The following POC1B variants were observed in gnomAD, a reference collection of about 807,000 sequenced individuals.
The protein encoded by POC1B is POC1 centriolar protein B.
Under a neutral mutation model 60.6 loss-of-function variants are expected in POC1B, and 44 were observed. The observed-to-expected ratio is 0.73, with a 90% confidence interval of 0.57 to 0.93. The LOEUF (loss-of-function observed/expected upper bound fraction) is 0.93, where lower values mean the gene tolerates loss of function less well. Ranked by LOEUF, POC1B falls within the 40% of genes least tolerant of loss-of-function variation. The pLI, the probability that POC1B is intolerant of heterozygous loss-of-function variation, is 0.00. For missense variants in POC1B, 555 were observed against 572.3 expected (o/e 0.97, Z 0.31); for synonymous variants, 180 against 198.9 (o/e 0.90, Z 0.80).
chr12:89,454,600 A>G (rs1288824871), intron 10 of POC1B, among the ~76,000 whole-genome samples: 1 of 152,114 alleles, frequency 6.6e-6, no homozygotes, highest in Non-Finnish European at 1.5e-5. Flanking sequence ...CCAGATAGCC[A>G]TGACTTGCTC....
intron 9 of POC1B, among the ~76,000 whole-genome samples, chr12:89,462,979 T>A (rs1882534154): frequency 2.0e-5 from 3 of 152,188 alleles, no homozygotes; most frequent in African/African-American, 7.2e-5. Context: ...GTGGTCATTT[T>A]AAAAAATCAT....
At chr12:89,417,517 T>A (rs185494129), downstream of POC1B, among the ~76,000 whole-genome samples, 13 of 152,318 alleles carry the variant, frequency 8.5e-5, no homozygotes, top group East Asian at 2.1e-3. Flanking sequence ...TTTAAAAAAA[T>A]TTAATGTGCC....
At chr12:89,474,660 G>C (rs1883036920) in intron 4 of POC1B, among the ~76,000 whole-genome samples, 1 of 152,162 alleles carries the variant, frequency 6.6e-6, no homozygotes, top group South Asian at 2.1e-4. Flanking sequence ...AGAGGGGTCT[G>C]GATTTGAATC....
chr12:89,405,892 G>C, the POC1B span, among the ~76,000 whole-genome samples: 1 of 151,714 alleles, frequency 6.6e-6, no homozygotes, highest in Non-Finnish European at 1.5e-5. Context: ...CCAAGAATTT[G>C]AGGGTGTAGT....
chr12:89,490,675 T>C, intron 4 of POC1B, among the ~76,000 whole-genome samples: 1 of 152,122 alleles, frequency 6.6e-6, no homozygotes, highest in East Asian at 1.9e-4. Flanking sequence ...AAATGCAATC[T>C]GCACTTTCAG....
intron 10 of POC1B, among the ~76,000 whole-genome samples, chr12:89,443,597 C>T (rs1165580349): frequency 3.9e-4 from 54 of 138,340 alleles, no homozygotes; most frequent in South Asian, 1.2e-3. Flanking sequence ...GGGACACATT[C>T]AAAGCAGTGT....
chr12:89,432,236 A>G (rs1881061004), intron 10 of POC1B, among the ~76,000 whole-genome samples: 2 of 151,614 alleles, frequency 1.3e-5, no homozygotes, highest in South Asian at 4.2e-4. Flanking sequence ...TACAAAAGAA[A>G]TTAGCCAGGT....
chr12:89,516,681 C>G (rs1870455800), intron 2 of POC1B, among the ~76,000 whole-genome samples: 1 of 152,128 alleles, frequency 6.6e-6, no homozygotes, highest in Admixed American at 6.5e-5. Context: ...CATAAAACAA[C>G]AGAAATTTAT....
chr12:89,489,792 G>A (rs1868850515), intron 4 of POC1B, among the ~76,000 whole-genome samples: 1 of 152,210 alleles, frequency 6.6e-6, no homozygotes, highest in South Asian at 2.1e-4. Flanking sequence ...CTTGTAAGAA[G>A]TGTCCCCTAT....
At chr12:89,414,731 T>A (rs1172073045), downstream of POC1B, among the ~76,000 whole-genome samples, 5 of 152,206 alleles carry the variant, frequency 3.3e-5, no homozygotes, top group African/African-American at 1.2e-4. Flanking sequence ...TGATCAGATT[T>A]GTCAATAACC....
downstream of POC1B, among the ~76,000 whole-genome samples, chr12:89,417,219 C>T (rs1880378331): frequency 6.6e-6 from 1 of 152,180 alleles, no homozygotes; most frequent in Non-Finnish European, 1.5e-5. Context: ...GAGCCCATTA[C>T]ACTGAGGCAG....
intron 10 of POC1B, among the ~76,000 whole-genome samples, chr12:89,442,249 A>G (rs1045327969): frequency 2.6e-5 from 4 of 152,236 alleles, no homozygotes; most frequent in African/African-American, 4.8e-5. Context: ...CAGGAAATAC[A>G]GAGAACGCCA....
At chr12:89,463,157 C>T (rs1882539802) in intron 9 of POC1B, among the ~76,000 whole-genome samples, 3 of 152,034 alleles carry the variant, frequency 2.0e-5, no homozygotes, top group Admixed American at 2.0e-4. Context: ...TTCCTTCCTG[C>T]TAAATATCAT....
At position 89,492,071 on chromosome 12, in the gene POC1B, C is replaced by G. The variant is rs76216585; in HGVS notation, c.317G>C (p.Arg106Pro). The G allele has an allele frequency of 1.1e-5, 17 of 1,597,632 alleles. No homozygotes were observed. The highest frequency in any genetic ancestry group is 1.4e-5 in the Non-Finnish European group (17 of 1,175,104). Residue 106 changes from arginine to proline, a missense_variant, in exon 4 of 12, where the codon CGA becomes CCA. Transcript: ENST00000313546. ...GCCATCAGCTGAAAAGTCTACACTT[C>G]GAACTGGAGCTGTATGAGCTTTAAA... is the stretch of plus-strand genomic sequence containing the variant. ...SEFKAHTAPV[R>P]SVDFSADGQF...
chr12:89,403,192 G>C, the POC1B span, among the ~76,000 whole-genome samples: 1 of 151,026 alleles, frequency 6.6e-6, no homozygotes, highest in Admixed American at 6.6e-5. Context: ...ATTTTTAGTA[G>C]AGATAGGGTT....
intron 10 of POC1B, among the ~76,000 whole-genome samples, chr12:89,439,354 A>G (rs1262562588): frequency 6.6e-6 from 1 of 152,132 alleles, no homozygotes; most frequent in Non-Finnish European, 1.5e-5. Context: ...CTTTGTATAT[A>G]TTCGTCCTCT....
intron 4 of POC1B, among the ~76,000 whole-genome samples, chr12:89,489,331 C>T (rs1374035813): frequency 6.6e-6 from 1 of 152,110 alleles, no homozygotes; most frequent in Non-Finnish European, 1.5e-5. Flanking sequence ...GTAACTTCCC[C>T]ACAGGTCTCA....
chr12:89,429,256 T>G (rs1157589802), intron 10 of POC1B: 2 of 152,194 alleles, frequency 1.3e-5, no homozygotes, highest in Admixed American at 1.3e-4. Flanking sequence ...GTGCCAGCTC[T>G]CCATCCTACA....
intron 10 of POC1B, among the ~76,000 whole-genome samples, chr12:89,452,085 T>A (rs1882065356): frequency 6.6e-6 from 1 of 152,150 alleles, no homozygotes; most frequent in African/African-American, 2.4e-5. Context: ...TCAGAGGATG[T>A]TTCTCTTCCA....
Sources: allele counts gnomAD v4.1 joint callset (sites outside exome capture counted in the v4.1 genomes callset), GRCh38; gene constraint gnomAD v4.1.1; transcripts MANE v1.5; gene names NCBI Gene and HGNC (gene_info 2026-07-23, HGNC 2026-07-21).